Variants in OXA1L observed in about 807,000 individuals in gnomAD.
The protein encoded by OXA1L is mitochondrial inner membrane protein OXA1L.
OXA1L carries 42 observed loss-of-function variants against 52.2 expected under a neutral mutation model. That is an observed-to-expected ratio of 0.80 (90% CI 0.63 to 1.04). The LOEUF is 1.04. Among genes scored for constraint, OXA1L ranks in the 50% least tolerant of loss-of-function variants. The probability of loss-of-function intolerance (pLI) is 0.00; values close to 1 mark genes in which losing one functional copy is unlikely to be tolerated. For missense variants in OXA1L, 572 were observed against 555.0 expected (o/e 1.03, Z -0.31); for synonymous variants, 239 against 201.9 (o/e 1.18, Z -1.56).
At position 22,766,741 on chromosome 14, in the gene OXA1L, C is replaced by T. The variant is rs1165852468; in HGVS notation, c.40C>T (p.Arg14Cys). The T allele has an allele frequency of 3.1e-6, 5 of 1,614,128 alleles. No individual in the cohort carries two copies. The East Asian group carries it at 8.9e-5, about 29-fold the overall frequency. Residue 14 changes from arginine (R) to cysteine (C), a missense_variant, in exon 1 of 10, where the codon CGC becomes TGC. Arg to Cys is a radical substitution (Grantham distance 180). Around this residue, in one of 5 missense-constraint regions of OXA1L, gnomAD observed 186 missense variants for 151.8 expected, o/e 1.23. Transcript: ENST00000612549. ...AATGTGCGGACGCCGGGAGCTTCTG[C>T]GCTTGCTACAGTCCGGGCGTCGGGT... ...GLMCGRRELL[R>C]LLQSGRRVHS...
rs1405921177 is a variant in OXA1L, at chr14:22,768,063, T to G, written c.331T>G (p.Phe111Val). 5.6e-6 allele frequency: 9 copies of G among 1,614,074 alleles called. No homozygotes were observed. The highest frequency in any genetic ancestry group is 5.0e-5 in the Admixed American group (3 of 60,002). ...DVVQTAAEQS[F>V]AELGLGSYTP... is the part of the protein sequence containing the mutation. ...AGTCCAAACTGCTGCAGAGCAGAGC[T>G]TCGCTGAACTGGGGCTGGGGTCATA... Residue 111 changes from phenylalanine (F) to valine (V), a missense_variant, in exon 3 of 10, where the codon TTC (phenylalanine) becomes GTC (valine). Around this residue, in one of 5 missense-constraint regions of OXA1L, gnomAD observed 186 missense variants for 151.8 expected, o/e 1.23. Transcript: ENST00000612549.
chr14:22,772,488 C>CCAAAA lies in OXA1L; in HGVS notation c.*930_*931insCAAAA, dbSNP rs1355842728. ...TGGGCAAGAGAGTGAGACTCCTTCT[C>CCAAAA]AAAAAAAAAAAAAAAAAAAAAAAAA... On this transcript the variant is annotated 3_prime_UTR_variant, in exon 10 of 10. Transcript: ENST00000612549. The CCAAAA allele has an allele frequency of 5.3e-5, 4 of 76,010 alleles. No individual in the cohort carries two copies. The East Asian group carries it at 1.3e-3, about 24-fold the overall frequency. The allele number at this position is 76,010 out of a possible 1,614,324, so 4.7% of individuals were successfully genotyped here.
Position 22,771,638 on chromosome 14 carries a change from T to C in OXA1L, c.*80T>C. On this transcript the variant is annotated 3_prime_UTR_variant, in exon 10 of 10. Transcript: ENST00000612549. ...CAAAACAAGACTTGACACTGTGTCC[T>C]TGCCCCAGTCCTAGGAACTGTGGCA... 1 of 1,441,310 alleles carries C rather than the reference T, an allele frequency of 6.9e-7. No individual in the cohort carries two copies. Among genetic ancestry groups the C allele is most frequent in the African/African-American group, 1.4e-5 (1 of 71,714 alleles). 89.3% of individuals were successfully genotyped at this position (1,441,310 alleles called of 1,614,324 possible).
intron 8 of OXA1L, 43 bp from the exon 9 acceptor site, chr14:22,771,225 A>G (rs1566435329): frequency 1.2e-6 from 2 of 1,612,938 alleles, no homozygotes; most frequent in Non-Finnish European, 1.7e-6. Context: ...AAAGGGGTCT[A>G]AAAATAGGAA....
chr14:22,767,130 C>A, intron 1 of OXA1L, 118 bp from the exon 2 acceptor site: 3 of 1,528,328 alleles, frequency 2.0e-6, no homozygotes, highest in East Asian at 2.4e-5. Context: ...GCAATGTCCT[C>A]CCCTGTAGTG....
rs763591909 is a variant in OXA1L, at chr14:22,770,846, G to A, written c.876G>A (p.Trp292Ter). The change falls in exon 7 of 10, where the codon TGG becomes TGA. Residue 292 changes from tryptophan (W) to a stop codon, truncating the protein, a stop_gained. Coordinates refer to ENST00000612549, the MANE Select transcript of OXA1L (RefSeq NM_005015.5). LOFTEE classifies it high-confidence loss of function. ...ETGVQSSDLQWMRNVIRMMPL... is the reference protein window; with the variant it reads ...ETGVQSSDLQ The stretch of plus-strand genomic sequence containing the variant: ...GTGTGCAAAGTTCTGACCTTCAGTG[G>A]ATGAGAAATGTCATCAGAATGATGC... 1.2e-6 allele frequency: 2 copies of A among 1,614,166 alleles called. No individual in the cohort carries two copies. Among genetic ancestry groups the A allele is most frequent in the Non-Finnish European group, 1.7e-6 (2 of 1,180,028 alleles).
At position 22,771,249 on chromosome 14, in the gene OXA1L, C is replaced by G. The variant is rs2038458530; in HGVS notation, c.1103-19C>G. On this transcript the variant is annotated intron_variant, in intron 8 of 9. Transcript: ENST00000612549. ...TAAAAATAGGAATGCAACTGACTCT[C>G]TTGCTTCTCTTTACACAGGCTGGAA... 5.0e-6 allele frequency: 8 copies of G among 1,613,520 alleles called. No homozygotes were observed. In the Admixed American group the frequency reaches 5.0e-5, roughly 10 times the overall value.
At position 22,771,327 on chromosome 14, in the gene OXA1L, CAGTT is replaced by C. The variant is rs1439400434; in HGVS notation, c.1163_1166del (p.Gln388ArgfsTer3). The C allele has an allele frequency of 6.2e-7, 1 of 1,614,188 alleles. No homozygotes were observed. Among genetic ancestry groups the C allele is most frequent in the Admixed American group, 1.7e-5 (1 of 60,024 alleles). On this transcript the variant is annotated frameshift_variant, in exon 9 of 10. Coordinates refer to ENST00000612549, the MANE Select transcript of OXA1L (RefSeq NM_005015.5). LOFTEE classifies it high-confidence loss of function. ...AGAGCGTGAACAACGCATGCGGAAT[CAGTT>C]GGAGCTAGCAGCCAGGGGTAAATAG...
intron 3 of OXA1L, among the ~76,000 whole-genome samples, chr14:22,769,585 T>G (rs1478640956): frequency 6.6e-6 from 1 of 152,224 alleles, no homozygotes; most frequent in Non-Finnish European, 1.5e-5. Flanking sequence ...GAGAAGTTAA[T>G]GCCATACTTT....
chr14:22,770,089 G>A (rs964618012), intron 4 of OXA1L, 104 bp from the exon 5 acceptor site: 3 of 1,338,384 alleles, frequency 2.2e-6, no homozygotes, highest in Non-Finnish European at 3.2e-6. Context: ...CCCAAGGAGT[G>A]GCCAGGGTTG....
chr14:22,771,400 C>G lies in OXA1L; in HGVS notation c.1184-34C>G. The G allele has an allele frequency of 6.2e-7, 1 of 1,613,946 alleles. No individual in the cohort carries two copies. Among genetic ancestry groups the G allele is most frequent in the Non-Finnish European group, 8.5e-7 (1 of 1,179,802 alleles). On this transcript the variant is annotated intron_variant, in intron 9 of 9. Transcript: ENST00000612549. Reference sequence around the variant, plus strand: ...TGTCTTTTGTTTCTTCCTTTCTGTTCTTCGTTGAAATTTGTTTTCTCTTCT... The same window carrying G: ...TGTCTTTTGTTTCTTCCTTTCTGTTGTTCGTTGAAATTTGTTTTCTCTTCT...
chr14:22,771,784 A>G lies in OXA1L; in HGVS notation c.*226A>G. The G allele has an allele frequency of 1.9e-6, 1 of 533,482 alleles. No homozygotes were observed. Among genetic ancestry groups the G allele is most frequent in the Non-Finnish European group, 3.3e-6 (1 of 298,538 alleles). The allele number at this position is 533,482 out of a possible 1,614,324, so 33.0% of individuals were successfully genotyped here. A position where few individuals can be genotyped will look rare whatever the true frequency, so the allele number is the denominator to read the frequency against. The stretch of plus-strand genomic sequence containing the variant: ...CAGAGTTAGTAAACCTCTGTACTAC[A>G]TGCTGCTTCCTGATACTTATTGAAC... On this transcript the variant is annotated 3_prime_UTR_variant, in exon 10 of 10. Coordinates refer to ENST00000612549, the MANE Select transcript of OXA1L (RefSeq NM_005015.5).
chr14:22,769,662 C>T, intron 3 of OXA1L, 129 bp from the exon 4 acceptor site: 1 of 918,558 alleles, frequency 1.1e-6, no homozygotes, highest in Non-Finnish European at 1.7e-6. Flanking sequence ...TATTTCTGGG[C>T]CTCTTAGGCA....
chr14:22,771,216 A>G, intron 8 of OXA1L, 36 bp downstream of exon 8: 1 of 1,613,012 alleles, frequency 6.2e-7, no homozygotes, highest in South Asian at 1.1e-5. Context: ...GGACTAGGGA[A>G]AGGGGTCTAA....
chr14:22,766,940 G>A (rs2038410633), intron 1 of OXA1L, 176 bp downstream of exon 1: 1 of 1,513,830 alleles, frequency 6.6e-7, no homozygotes, highest in Non-Finnish European at 8.8e-7. Flanking sequence ...TATGGGCCCA[G>A]CAGCCCGGTG....
chr14:22,772,350 A>G lies in OXA1L; in HGVS notation c.*792A>G, dbSNP rs55882154. On this transcript the variant is annotated 3_prime_UTR_variant, in exon 10 of 10. Transcript: ENST00000612549. The stretch of plus-strand genomic sequence containing the variant: ...AAAAAAAAAAAAAAATTAGCCGGGC[A>G]TGGCGGCGGGTGCCTGTATTCCCAG... 0.3 allele frequency: 43,810 copies of G among 148,010 alleles called. 7,559 individuals are homozygous for G. Among genetic ancestry groups the G allele is most frequent in the East Asian group, 0.58 (2,835 of 4,926 alleles). 9.2% of individuals were successfully genotyped at this position (148,010 alleles called of 1,614,324 possible). A position where few individuals can be genotyped will look rare whatever the true frequency, so the allele number is the denominator to read the frequency against.
intron 6 of OXA1L, 54 bp downstream of exon 6, chr14:22,770,679 G>A (rs969486932): frequency 5.1e-6 from 8 of 1,580,864 alleles, no homozygotes; most frequent in Admixed American, 3.4e-5. Flanking sequence ...GGGTTGGAGG[G>A]TAAAGTAGTT....
chr14:22,766,928 A>G, intron 1 of OXA1L, 164 bp downstream of exon 1: 5 of 1,512,754 alleles, frequency 3.3e-6, no homozygotes, highest in Non-Finnish European at 4.4e-6. Flanking sequence ...AGTCCCCGAC[A>G]CTATGGGCCC....
chr14:22,769,986 T>G (rs1299714142), intron 4 of OXA1L, 52 bp downstream of exon 4: 5 of 1,598,088 alleles, frequency 3.1e-6, no homozygotes, highest in African/African-American at 1.3e-5. Flanking sequence ...GCACTTTTCC[T>G]TACATTCTGC....
Sources: gnomAD v4.1 joint callset for allele counts (sites outside exome capture counted in the v4.1 genomes callset) on GRCh38, gnomAD v4.1.1 for gene constraint, gnomAD v4.1.1 regional missense constraint, MANE v1.5 for transcripts, NCBI Gene and HGNC (gene_info 2026-07-23, HGNC 2026-07-21) for gene names.